The following TOP6BL variants were observed in gnomAD, a reference collection of about 807,000 sequenced individuals.
The protein encoded by TOP6BL is TOP6B like initiator of meiotic double strand breaks.
At chr11:66,842,761 C>A in the TOP6BL span, 1 of 1,307,456 alleles carries the variant, frequency 7.6e-7, no homozygotes, top group Non-Finnish European at 1.0e-6. Flanking sequence ...AGCCCCTCGG[C>A]GCCCGTTCTC....
At chr11:66,748,450 G>T in the TOP6BL span, 1 of 1,548,314 alleles carries the variant, frequency 6.5e-7, no homozygotes, top group Non-Finnish European at 8.7e-7. Context: ...TAGAAGGGCA[G>T]CTAGTGATTT....
chr11:66,744,964 G>C, the TOP6BL span: 1 of 1,243,684 alleles, frequency 8.0e-7, no homozygotes, highest in Non-Finnish European at 1.0e-6. Flanking sequence ...TTTCTGAGGA[G>C]ACGGGCTTTG....
At chr11:66,824,296 A>G in the TOP6BL span, among the ~76,000 whole-genome samples, 1 of 151,496 alleles carries the variant, frequency 6.6e-6, no homozygotes, top group Admixed American at 6.6e-5. Flanking sequence ...CCCAGGCTGG[A>G]GTGCAATGGC....
chr11:66,800,337 C>T, the TOP6BL span, among the ~76,000 whole-genome samples: 2 of 151,950 alleles, frequency 1.3e-5, no homozygotes, highest in South Asian at 4.2e-4. Flanking sequence ...TGACTATAGT[C>T]AATAATAATG....
At chr11:66,748,588 T>G in the TOP6BL span, 1 of 1,183,826 alleles carries the variant, frequency 8.4e-7, no homozygotes, top group East Asian at 2.7e-5. Context: ...TTTAAAAATT[T>G]CAATTAGAAT....
the TOP6BL span, among the ~76,000 whole-genome samples, chr11:66,750,507 C>T: frequency 6.6e-6 from 1 of 152,018 alleles, no homozygotes; most frequent in Non-Finnish European, 1.5e-5. Flanking sequence ...AAGATCGCAC[C>T]ACTGCACTCC....
chr11:66,843,007 C>A, the TOP6BL span: 1 of 1,551,034 alleles, frequency 6.4e-7, no homozygotes, highest in Non-Finnish European at 8.7e-7. Flanking sequence ...AGGAAGGGAG[C>A]ACCGCGAGGC....
At chr11:66,756,519 C>A in the TOP6BL span, 1 of 1,029,472 alleles carries the variant, frequency 9.7e-7, no homozygotes, top group Non-Finnish European at 1.2e-6. Context: ...AGGAGTGCTT[C>A]CACCTGCTCC....
At chr11:66,796,815 CTTTCAAT>C in the TOP6BL span, among the ~76,000 whole-genome samples, 1 of 147,404 alleles carries the variant, frequency 6.8e-6, no homozygotes, top group East Asian at 2.0e-4. Flanking sequence ...CAACTTTCAA[CTTTCAAT>C]ATTGAATTGA....
At chr11:66,752,308 C>T in the TOP6BL span, among the ~76,000 whole-genome samples, 1 of 152,058 alleles carries the variant, frequency 6.6e-6, no homozygotes, top group Non-Finnish European at 1.5e-5. Flanking sequence ...GGATTCTAAG[C>T]CAGAATTCAT....
chr11:66,796,895 A>G, the TOP6BL span, among the ~76,000 whole-genome samples: 1 of 149,436 alleles, frequency 6.7e-6, no homozygotes, highest in Non-Finnish European at 1.5e-5. Context: ...GTCTCACTAT[A>G]TTGCCTAGGC....
chr11:66,829,068 C>CAAAAA, the TOP6BL span, among the ~76,000 whole-genome samples: 1 of 33,096 alleles, frequency 3.0e-5, no homozygotes. Flanking sequence ...GCCTCTGTCT[C>CAAAAA]AAAAAAAAAA....
At chr11:66,762,371 TG>T in the TOP6BL span, 2 of 370,668 alleles carry the variant, frequency 5.4e-6, no homozygotes, top group Non-Finnish European at 4.9e-6. Context: ...GCCCAGCATA[TG>T]GGGCACTCAG....
chr11:66,815,142 C>G, the TOP6BL span, among the ~76,000 whole-genome samples: 1 of 152,204 alleles, frequency 6.6e-6, no homozygotes, highest in Non-Finnish European at 1.5e-5. Flanking sequence ...GAATGATAGA[C>G]TCCACCGATT....
the TOP6BL span, among the ~76,000 whole-genome samples, chr11:66,747,317 A>G: frequency 9.2e-5 from 14 of 152,162 alleles, no homozygotes; most frequent in African/African-American, 3.1e-4. Flanking sequence ...TAGAACTTAG[A>G]AATAATAGCT....
chr11:66,775,889 C>T, the TOP6BL span, among the ~76,000 whole-genome samples: 1 of 151,948 alleles, frequency 6.6e-6, no homozygotes, highest in African/African-American at 2.4e-5. Flanking sequence ...TTTCTATAGT[C>T]TTATAGTTTT....
the TOP6BL span, among the ~76,000 whole-genome samples, chr11:66,798,462 T>C: frequency 1.3e-5 from 2 of 151,718 alleles, no homozygotes; most frequent in African/African-American, 4.8e-5. Flanking sequence ...TAGTCGGGTG[T>C]GGTTCCATGC....
At chr11:66,810,389 C>T in the TOP6BL span, among the ~76,000 whole-genome samples, 1 of 152,172 alleles carries the variant, frequency 6.6e-6, no homozygotes, top group Non-Finnish European at 1.5e-5. Flanking sequence ...ACAAAATATC[C>T]TTCTTGAGTA....
At chr11:66,813,472 C>T in the TOP6BL span, among the ~76,000 whole-genome samples, 4 of 152,268 alleles carry the variant, frequency 2.6e-5, 1 homozygote, top group Admixed American at 6.5e-5. Context: ...TGATGGCTCA[C>T]GCCTGTAATC....
Sources: allele counts gnomAD v4.1 joint callset (sites outside exome capture counted in the v4.1 genomes callset), GRCh38; gene constraint gnomAD v4.1.1; transcripts MANE v1.5; gene names NCBI Gene and HGNC (gene_info 2026-07-23, HGNC 2026-07-21).